The following CYP3A7 variants were observed in gnomAD, a reference collection of about 807,000 sequenced individuals.
CYP3A7 encodes cytochrome P450 family 3 subfamily A member 7, also known as cytochrome P450 3A7.
Under a neutral mutation model 55.2 loss-of-function variants are expected in CYP3A7, and 45 were observed. The observed-to-expected ratio is 0.82, with a 90% CI of 0.64 to 1.05. The LOEUF is 1.05. Among genes scored for constraint, CYP3A7 ranks in the 50% least tolerant of loss-of-function variants. CYP3A7 has a pLI of 0.00. For synonymous variants in CYP3A7, 180 were observed against 207.4 expected (o/e 0.87, Z 1.13); for missense variants, 548 against 605.3 (o/e 0.91, Z 0.99).
chr7:99,725,495 C>T (rs1440494740), intron 2 of CYP3A7, among the ~76,000 whole-genome samples: 2 of 152,242 alleles, frequency 1.3e-5, no homozygotes, highest in Non-Finnish European at 2.9e-5. Flanking sequence ...ATCCAAGCCA[C>T]AGCTCCCAGG....
At chr7:99,709,413 A>T in intron 10 of CYP3A7, 152 bp from the exon 11 acceptor site, 2 of 1,240,072 alleles carry the variant, frequency 1.6e-6, no homozygotes, top group Non-Finnish European at 2.3e-6. Flanking sequence ...AATAACTGTC[A>T]TGCCCTTTGA....
At chr7:99,732,265 A>G (rs1176663948) in intron 1 of CYP3A7, among the ~76,000 whole-genome samples, 1 of 151,712 alleles carries the variant, frequency 6.6e-6, no homozygotes, top group Non-Finnish European at 1.5e-5. Flanking sequence ...CTTCTTTTTC[A>G]CCTTCTGCCA....
intron 11 of CYP3A7, among the ~76,000 whole-genome samples, chr7:99,708,263 G>A (rs1050411932): frequency 9.9e-5 from 15 of 152,166 alleles, no homozygotes; most frequent in Non-Finnish European, 1.6e-4. Context: ...GGATGGTGAT[G>A]TGTTCACACT....
chr7:99,723,492 G>C (rs1217805870), intron 2 of CYP3A7, among the ~76,000 whole-genome samples: 1 of 152,168 alleles, frequency 6.6e-6, no homozygotes, highest in Non-Finnish European at 1.5e-5. Context: ...TTCGGACTCA[G>C]TCAGCCTGCA....
chr7:99,719,079 A>T (rs1232682201), intron 4 of CYP3A7, among the ~76,000 whole-genome samples: 1 of 152,224 alleles, frequency 6.6e-6, no homozygotes, highest in Non-Finnish European at 1.5e-5. Flanking sequence ...ACTTTCCCTA[A>T]ATTGATCTAT....
chr7:99,721,403 A>G (rs1327057379), intron 3 of CYP3A7, among the ~76,000 whole-genome samples: 1 of 152,230 alleles, frequency 6.6e-6, no homozygotes, highest in African/African-American at 2.4e-5. Context: ...TTGAAATGAA[A>G]GAGTTTTGGC....
Position 99,722,282 on chromosome 7 carries a change from TCCAGAATACTCA to T in CYP3A7, c.218+2_218+13del. The T allele has an allele frequency of 2.5e-6, 4 of 1,613,568 alleles. No individual in the cohort carries two copies. Among genetic ancestry groups the T allele is most frequent in the Non-Finnish European group, 3.4e-6 (4 of 1,179,644 alleles). On this transcript the variant is annotated splice_donor_variant and splice_donor_5th_base_variant and intron_variant, in intron 3 of 12. Transcript: ENST00000336374. LOFTEE classifies it high-confidence loss of function. ...GAAACAAGTCTATCCAATGGAATCTTCCAGAATACTCACCCCCAGACTTTTCTATACTTTTTA... is the reference window on the plus strand; with the variant it reads ...GAAACAAGTCTATCCAATGGAATCTTCCCCCAGACTTTTCTATACTTTTTA...
intron 4 of CYP3A7, among the ~76,000 whole-genome samples, chr7:99,719,202 A>G (rs2687073): frequency 1 from 151,922 of 152,306 alleles, 75,770 homozygotes; most frequent in East Asian, 1. Flanking sequence ...AAACAAATCT[A>G]AAAAAATACA....
At chr7:99,713,564 C>CA in intron 8 of CYP3A7, 29 bp from the exon 9 acceptor site, 3 of 1,612,812 alleles carry the variant, frequency 1.9e-6, no homozygotes, top group Non-Finnish European at 2.5e-6. Context: ...ATTTTATTGA[C>CA]AGAAAGTGAC....
chr7:99,717,409 TAGGA>T, intron 5 of CYP3A7, 113 bp downstream of exon 5: 1 of 1,585,120 alleles, frequency 6.3e-7, no homozygotes, highest in South Asian at 1.1e-5. Flanking sequence ...AGACTATTTT[TAGGA>T]AGCTCAAATT....
intron 12 of CYP3A7, among the ~76,000 whole-genome samples, chr7:99,707,096 T>G (rs1052843526): frequency 6.6e-6 from 1 of 152,126 alleles, no homozygotes; most frequent in African/African-American, 2.4e-5. Context: ...GAACTAGGAC[T>G]TGAAAGATAA....
intron 1 of CYP3A7, 32 bp from the exon 2 acceptor site, chr7:99,731,184 G>A: frequency 6.2e-7 from 1 of 1,612,684 alleles, no homozygotes; most frequent in Non-Finnish European, 8.5e-7. Context: ...AGGTCTCAGG[G>A]ATTGTGACTT....
intron 4 of CYP3A7, among the ~76,000 whole-genome samples, chr7:99,718,659 A>G (rs998959987): frequency 1.3e-5 from 2 of 152,204 alleles, no homozygotes; most frequent in African/African-American, 2.4e-5. Context: ...TTTATTTGAC[A>G]TTATACTGGG....
intron 1 of CYP3A7, among the ~76,000 whole-genome samples, chr7:99,732,745 G>A (rs1314058741): frequency 1.3e-5 from 2 of 152,092 alleles, no homozygotes; most frequent in African/African-American, 2.4e-5. Context: ...AGGCAAATTA[G>A]GAAAATGTGG....
chr7:99,714,639 G>A lies in CYP3A7; in HGVS notation c.714C>T (p.Ile238=), dbSNP rs201829631. 1 of 1,606,030 alleles carries A rather than the reference G, an allele frequency of 6.2e-7. No individual in the cohort carries two copies. Among genetic ancestry groups the A allele is most frequent in the Non-Finnish European group, 8.5e-7 (1 of 1,175,504 alleles). ...TTATAACTTTTCTTGGAAACACAGTGATATTTAATGCTTCAAGAATTGGGG... is the reference window on the plus strand; with the variant it reads ...TTATAACTTTTCTTGGAAACACAGTAATATTTAATGCTTCAAGAATTGGGG... ...FLTPILEALN[I]TVFPRKVISF... The change falls in exon 8 of 13, where the codon ATC becomes ATT. Residue 238 remains isoleucine (I), a synonymous_variant. Coordinates refer to ENST00000336374, the MANE Select transcript of CYP3A7 (RefSeq NM_000765.5).
At chr7:99,708,508 T>G (rs1295834860) in intron 11 of CYP3A7, among the ~76,000 whole-genome samples, 1 of 151,850 alleles carries the variant, frequency 6.6e-6, no homozygotes, top group African/African-American at 2.4e-5. Context: ...AATCTCCATC[T>G]CTCCTTCTTT....
chr7:99,716,123 C>CA (rs1813938214), intron 6 of CYP3A7, among the ~76,000 whole-genome samples: 1 of 152,140 alleles, frequency 6.6e-6, no homozygotes, highest in Non-Finnish European at 1.5e-5. Flanking sequence ...TGGAGACACT[C>CA]AACTGAGTTA....
chr7:99,734,784 G>C lies in CYP3A7; in HGVS notation c.71+239C>G, dbSNP rs138084476. ...CTACAGTTATGCACTACCATGCCCA[G>C]CTAATTTTTGTAATTTTAGTAGAGA... On this transcript the variant is annotated intron_variant, in intron 1 of 12. Coordinates refer to ENST00000336374, the MANE Select transcript of CYP3A7 (RefSeq NM_000765.5). Among the ~76,000 whole-genome samples, 83 of 152,058 alleles carry C rather than the reference G, an allele frequency of 5.5e-4. 1 individual carries two copies. In the East Asian group the frequency reaches 0.016, roughly 29 times the overall value.
chr7:99,708,904 G>T, intron 11 of CYP3A7, 131 bp downstream of exon 11: 2 of 1,086,692 alleles, frequency 1.8e-6, no homozygotes, highest in South Asian at 1.4e-5. Flanking sequence ...TCAATTTCAT[G>T]ATTTGAAAAA....
Sources: allele counts gnomAD v4.1 joint callset (sites outside exome capture counted in the v4.1 genomes callset), GRCh38; gene constraint gnomAD v4.1.1; transcripts MANE v1.5; gene names NCBI Gene and HGNC (gene_info 2026-07-23, HGNC 2026-07-21).